TDRP: variants seen among roughly 807,000 people sequenced by gnomAD.
The protein encoded by TDRP is testis development related protein, also known as testis development-related protein.
TDRP carries 12 observed loss-of-function variants against 10.5 expected under a neutral mutation model. The observed-to-expected ratio is 1.15, with a 90% CI of 0.73 to 1.86. The LOEUF is 1.86. Ranked by LOEUF, TDRP falls within the 40% of genes most tolerant of loss-of-function variation. The pLI is 0.00. For synonymous variants in TDRP, 139 were observed against 95.4 expected, an observed-to-expected ratio of 1.46 and a Z score of -2.67; for missense variants, 353 against 229.2, an observed-to-expected ratio of 1.54 and a Z score of -3.49.
At chr8:501,770 C>G (rs906621733) in intron 1 of TDRP, among the ~76,000 whole-genome samples, 1 of 152,220 alleles carries the variant, frequency 6.6e-6, no homozygotes, top group Non-Finnish European at 1.5e-5. Flanking sequence ...TGACCATGTG[C>G]AGGGCCAGCA....
At chr8:523,281 T>C (rs1162454550) in intron 1 of TDRP, among the ~76,000 whole-genome samples, 1 of 152,224 alleles carries the variant, frequency 6.6e-6, no homozygotes, top group Admixed American at 6.5e-5. Flanking sequence ...ATGTATTACT[T>C]TATGTCTCCC....
intron 1 of TDRP, among the ~76,000 whole-genome samples, chr8:522,854 G>A (rs534165661): frequency 2.6e-5 from 4 of 152,184 alleles, no homozygotes; most frequent in Non-Finnish European, 5.9e-5. Context: ...TTTTAGTAGA[G>A]AACATGGAAT....
intron 1 of TDRP, among the ~76,000 whole-genome samples, chr8:533,321 C>G (rs1802258085): frequency 6.6e-6 from 1 of 152,202 alleles, no homozygotes; most frequent in African/African-American, 2.4e-5. Context: ...CATTGGGCTG[C>G]TCCCACAGCC....
chr8:507,301 G>C lies in TDRP; in HGVS notation c.109-12704C>G, dbSNP rs183973201. ...GCCAAGCCATATCAGAAGGAGATTT[G>C]AGACAAGCCTAAGATTTGAGACCTG... On this transcript the variant is annotated intron_variant, in intron 1 of 2. Transcript: ENST00000324079. 6.6e-5 allele frequency among the ~76,000 whole-genome samples: 10 copies of C among 152,252 alleles called. No homozygotes were observed. In the East Asian group the frequency reaches 1.9e-3, roughly 29 times the overall value.
At chr8:537,754 G>A (rs1376857826) in intron 1 of TDRP, among the ~76,000 whole-genome samples, 1 of 152,150 alleles carries the variant, frequency 6.6e-6, no homozygotes, top group Non-Finnish European at 1.5e-5. Context: ...CAGAGGAGAC[G>A]AGCCTAACTT....
At chr8:527,273 C>G (rs563959139) in intron 1 of TDRP, among the ~76,000 whole-genome samples, 1 of 151,990 alleles carries the variant, frequency 6.6e-6, no homozygotes, top group South Asian at 2.1e-4. Context: ...GAAAAGGACA[C>G]AAAAATGAAA....
rs145856042 is a variant in TDRP, at chr8:542,561, C to A, written c.108+2089G>T. ...GTTTTTTCCCCCCAAAACCAACACACACTTTAGATGTACAGATAACAGGCC... is the reference window on the plus strand; with the variant it reads ...GTTTTTTCCCCCCAAAACCAACACAAACTTTAGATGTACAGATAACAGGCC... On this transcript the variant is annotated intron_variant, in intron 1 of 2. Transcript: ENST00000324079. 2.6e-4 allele frequency among the ~76,000 whole-genome samples: 40 copies of A among 152,224 alleles called. No individual in the cohort carries two copies. The East Asian group carries it at 6.8e-3, about 26-fold the overall frequency.
chr8:544,184 G>C (rs1366426635), intron 1 of TDRP, among the ~76,000 whole-genome samples: 1 of 152,128 alleles, frequency 6.6e-6, no homozygotes, highest in Non-Finnish European at 1.5e-5. Context: ...TAGTGTCCGC[G>C]AGGAGGCCGT....
At chr8:529,332 T>C (rs1802121134) in intron 1 of TDRP, among the ~76,000 whole-genome samples, 1 of 152,240 alleles carries the variant, frequency 6.6e-6, no homozygotes, top group Admixed American at 6.5e-5. Flanking sequence ...ATTTTATATT[T>C]TTATCTATTA....
At chr8:536,653 A>T (rs1000897417) in intron 1 of TDRP, among the ~76,000 whole-genome samples, 2 of 152,222 alleles carry the variant, frequency 1.3e-5, no homozygotes, top group Admixed American at 1.3e-4. Context: ...TTTTATATTG[A>T]TTACCTATTG....
At chr8:533,923 C>G (rs941492684) in intron 1 of TDRP, among the ~76,000 whole-genome samples, 4 of 152,092 alleles carry the variant, frequency 2.6e-5, no homozygotes, top group Non-Finnish European at 5.9e-5. Context: ...TAATACAAAA[C>G]TCAAGCATGA....
At chr8:495,784 T>C (rs1455510229) in intron 1 of TDRP, among the ~76,000 whole-genome samples, 1 of 152,210 alleles carries the variant, frequency 6.6e-6, no homozygotes, top group Non-Finnish European at 1.5e-5. Flanking sequence ...AATCAACCCT[T>C]TGAGGTGACC....
At chr8:497,708 G>A (rs973382961) in intron 1 of TDRP, among the ~76,000 whole-genome samples, 8 of 152,194 alleles carry the variant, frequency 5.3e-5, no homozygotes, top group African/African-American at 1.9e-4. Context: ...AATGTCTCCA[G>A]GGCATTTCAG....
At chr8:495,350 C>G (rs537391179) in intron 1 of TDRP, among the ~76,000 whole-genome samples, 29 of 152,316 alleles carry the variant, frequency 1.9e-4, no homozygotes, top group Admixed American at 7.2e-4. Context: ...ACAACTGTGC[C>G]ACTACCTTTA....
At chr8:512,039 G>C (rs985512701) in intron 1 of TDRP, among the ~76,000 whole-genome samples, 8 of 151,904 alleles carry the variant, frequency 5.3e-5, no homozygotes, top group Non-Finnish European at 1.0e-4. Flanking sequence ...GGAAGCAAAA[G>C]GTAGGAAATC....
intron 1 of TDRP, among the ~76,000 whole-genome samples, chr8:521,320 G>A (rs1031628045): frequency 2.0e-5 from 3 of 151,890 alleles, no homozygotes; most frequent in African/African-American, 2.4e-5. Flanking sequence ...GGGAGGCTGA[G>A]GCAGGAGAAT....
In TDRP at chr8:544,679, G is replaced by C. The variant is rs1329064716; in HGVS notation, c.79C>G (p.Pro27Ala). 2 of 1,244,794 alleles carry C rather than the reference G, an allele frequency of 1.6e-6. No homozygotes were observed. Among genetic ancestry groups the C allele is most frequent in the African/African-American group, 1.6e-5 (1 of 64,326 alleles). The allele number at this position is 1,244,794 out of a possible 1,614,324, so 77.1% of individuals were successfully genotyped here. Residue 27 changes from proline to alanine, a missense_variant, in exon 1 of 3, where the codon CCG becomes GCG. Coordinates refer to ENST00000324079, the MANE Select transcript of TDRP (RefSeq NM_001384899.1). ...GCCTGGGCGGCGGCGGCGGCGGCCG[G>C]TGGCGGCCCCCCACGCAGGCCGTCC... is the stretch of plus-strand genomic sequence containing the variant. ...EEDGLRGGPP[P>A]AAAAAAQAQV...
chr8:521,246 CA>C (rs57263869), intron 1 of TDRP, among the ~76,000 whole-genome samples: 1,002 of 84,574 alleles, frequency 0.012, 51 homozygotes, highest in South Asian at 0.04. Context: ...ACTAAAAATC[CA>C]AAAAAAAAAA....
intron 1 of TDRP, among the ~76,000 whole-genome samples, chr8:539,837 T>C (rs1414571855): frequency 1.3e-5 from 2 of 152,220 alleles, no homozygotes; most frequent in African/African-American, 4.8e-5. Flanking sequence ...TGACTTTGTG[T>C]CATCTAAACT....
Sources: gnomAD v4.1 joint callset for allele counts (sites outside exome capture counted in the v4.1 genomes callset) on GRCh38, gnomAD v4.1.1 for gene constraint, MANE v1.5 for transcripts, NCBI Gene and HGNC (gene_info 2026-07-23, HGNC 2026-07-21) for gene names.